CDC42EP4: variants seen among roughly 807,000 people sequenced by gnomAD.
The protein encoded by CDC42EP4 is CDC42 effector protein 4.
In CDC42EP4, 6 loss-of-function variants were observed where a neutral mutation model predicts 5.6. That is an observed-to-expected ratio of 1.07 (90% CI 0.59 to 2.12). CDC42EP4 has a LOEUF of 2.12. Among genes scored for constraint, CDC42EP4 ranks in the 30% most tolerant of loss-of-function variants. The pLI is 0.00. For synonymous variants in CDC42EP4, 230 were observed against 224.2 expected (o/e 1.03, Z -0.23); for missense variants, 490 against 508.6 (o/e 0.96, Z 0.35).
chr17:73,310,505 G>A, intron 1 of CDC42EP4, among the ~76,000 whole-genome samples: 1 of 152,058 alleles, frequency 6.6e-6, no homozygotes, highest in Non-Finnish European at 1.5e-5. Context: ...CAGCTGCTCA[G>A]CTATCTGGGC....
chr17:73,302,869 C>CGT (rs969224227), intron 1 of CDC42EP4, among the ~76,000 whole-genome samples: 1 of 149,704 alleles, frequency 6.7e-6, no homozygotes, highest in Non-Finnish European at 1.5e-5. Flanking sequence ...GGTGAAACCC[C>CGT]GTCTCTACTA....
intron 1 of CDC42EP4, among the ~76,000 whole-genome samples, chr17:73,288,028 T>G (rs564655545): frequency 1.4e-4 from 22 of 152,164 alleles, no homozygotes; most frequent in Middle Eastern, 3.4e-3. Flanking sequence ...CCCTGATCTA[T>G]CCCCTGAGCT....
intron 1 of CDC42EP4, among the ~76,000 whole-genome samples, chr17:73,296,060 G>A (rs917580277): frequency 1.6e-4 from 24 of 151,654 alleles, no homozygotes; most frequent in East Asian, 1.9e-4. Context: ...AGTCACACAC[G>A]TATTTGTTGA....
chr17:73,299,901 T>C (rs1048239181), intron 1 of CDC42EP4, among the ~76,000 whole-genome samples: 2 of 152,086 alleles, frequency 1.3e-5, no homozygotes, highest in African/African-American at 2.4e-5. Context: ...CTTCCTGCTC[T>C]CAGGAACCTC....
chr17:73,288,136 C>A (rs1439900713), intron 1 of CDC42EP4, among the ~76,000 whole-genome samples: 1 of 152,192 alleles, frequency 6.6e-6, no homozygotes, highest in African/African-American at 2.4e-5. Flanking sequence ...AAACCTTTAG[C>A]CACCACCTGC....
At chr17:73,298,909 GA>G (rs200412478) in intron 1 of CDC42EP4, among the ~76,000 whole-genome samples, 2,010 of 151,938 alleles carry the variant, frequency 0.013, 41 homozygotes, top group African/African-American at 0.044. Flanking sequence ...TAAAGAACGA[GA>G]AACGGAGACT....
chr17:73,298,328 C>A (rs9892423), intron 1 of CDC42EP4, among the ~76,000 whole-genome samples: 8,478 of 152,244 alleles, frequency 0.056, 268 homozygotes, highest in East Asian at 0.079. Flanking sequence ...TCGGGACCCT[C>A]TCAAAAAACA....
At chr17:73,288,600 C>CA (rs1555740446) in intron 1 of CDC42EP4, among the ~76,000 whole-genome samples, 3 of 151,922 alleles carry the variant, frequency 2.0e-5, no homozygotes, top group Non-Finnish European at 4.4e-5. Flanking sequence ...TGTTTACCAC[C>CA]GAGTCTGGTC....
At chr17:73,309,135 C>T (rs531764681) in intron 1 of CDC42EP4, among the ~76,000 whole-genome samples, 1 of 148,638 alleles carries the variant, frequency 6.7e-6, no homozygotes, top group African/African-American at 2.5e-5. Context: ...ATCCCTTGAG[C>T]TCAGGAGTTC....
intron 1 of CDC42EP4, among the ~76,000 whole-genome samples, chr17:73,305,783 G>A (rs990043491): frequency 1.3e-5 from 2 of 152,198 alleles, no homozygotes; most frequent in African/African-American, 2.4e-5. Flanking sequence ...CTGTCACTTC[G>A]CAAACTTCAT....
chr17:73,311,147 C>G (rs1815210034), intron 1 of CDC42EP4: 1 of 152,206 alleles, frequency 6.6e-6, no homozygotes, highest in Non-Finnish European at 1.5e-5. Context: ...GACTGCCCTC[C>G]CCCCGCACCC....
At chr17:73,305,885 G>A (rs1365692773) in intron 1 of CDC42EP4, among the ~76,000 whole-genome samples, 2 of 152,112 alleles carry the variant, frequency 1.3e-5, no homozygotes, top group Non-Finnish European at 2.9e-5. Context: ...AAGTCCTGGG[G>A]GTTCCCAGGA....
chr17:73,285,331 G>T lies in CDC42EP4; in HGVS notation c.*99C>A. 1.0e-6 allele frequency: 1 copy of T among 961,228 alleles called. No homozygotes were observed. The highest frequency in any genetic ancestry group is 1.6e-6 in the Non-Finnish European group (1 of 639,828). 59.5% of individuals were successfully genotyped at this position (961,228 alleles called of 1,614,324 possible). A position where few individuals can be genotyped will look rare whatever the true frequency, so the allele number is the denominator to read the frequency against. ...CCAGGGTCCATGGTCTGAATCAAGG[G>T]TCCTGGCTGCCCCTGCGCCGTAGGG... On this transcript the variant is annotated 3_prime_UTR_variant, in exon 2 of 2. Transcript: ENST00000335793. This position sits in a 1 kb window ranked among gnomAD's most constrained non-coding sequence, Gnocchi z 6.8.
rs576532384 is a variant in CDC42EP4, at chr17:73,304,295, G to GA, written c.-113+7597dup. On this transcript the variant is annotated intron_variant, in intron 1 of 1. Coordinates refer to ENST00000335793, the MANE Select transcript of CDC42EP4 (RefSeq NM_012121.5). ...TCTTCTTCTTTTTTTTTTTTTTCCTGAGAGAGGGTCTTGCTTTGTCCCTCA... is the reference window on the plus strand; with the variant it reads ...TCTTCTTCTTTTTTTTTTTTTTCCTGAAGAGAGGGTCTTGCTTTGTCCCTCA... Among the ~76,000 whole-genome samples, 6 of 119,832 alleles carry GA rather than the reference G, an allele frequency of 5.0e-5. No homozygotes were observed. In the South Asian group the frequency reaches 7.6e-4, roughly 15 times the overall value. 78.6% of individuals were successfully genotyped at this position (119,832 alleles called of 152,430 possible).
intron 1 of CDC42EP4, among the ~76,000 whole-genome samples, chr17:73,295,063 C>T (rs1339107014): frequency 2.6e-5 from 4 of 152,080 alleles, no homozygotes; most frequent in Non-Finnish European, 4.4e-5. Context: ...CCACCTGCCT[C>T]GGCCTCCCAA....
intron 1 of CDC42EP4, chr17:73,311,385 C>G (rs191642066): frequency 6.6e-6 from 1 of 152,276 alleles, no homozygotes; most frequent in Admixed American, 6.5e-5. Flanking sequence ...CGCCTCTGCC[C>G]GTACAGGCGG....
chr17:73,297,555 C>T lies in CDC42EP4; in HGVS notation c.-112-10943G>A, dbSNP rs114261716. ...TTTATGTATAGTGGTTACAACTCTA[C>T]ACAAATATGCATCTGTGAATAAAGA... On this transcript the variant is annotated intron_variant, in intron 1 of 1. Coordinates refer to ENST00000335793, the MANE Select transcript of CDC42EP4 (RefSeq NM_012121.5). Among the ~76,000 whole-genome samples the T allele has an allele frequency of 5.0e-3, 767 of 152,232 alleles. 3 individuals are homozygous for T. The highest frequency in any genetic ancestry group is 0.018 in the African/African-American group (738 of 41,524).
At chr17:73,297,250 C>T (rs927797462) in intron 1 of CDC42EP4, among the ~76,000 whole-genome samples, 4 of 149,290 alleles carry the variant, frequency 2.7e-5, no homozygotes, top group African/African-American at 4.9e-5. Flanking sequence ...GCCAAGGTCG[C>T]GCCATTGCAC....
At position 73,286,159 on chromosome 17, in the gene CDC42EP4, C is replaced by G; in HGVS notation, c.342G>C (p.Lys114Asn). 1 of 1,614,106 alleles carries G rather than the reference C, an allele frequency of 6.2e-7. No homozygotes were observed. The highest frequency in any genetic ancestry group is 8.5e-7 in the Non-Finnish European group (1 of 1,180,036). The change falls in exon 2 of 2, where the codon AAG becomes AAC. Residue 114 changes from lysine (K) to asparagine (N), a missense_variant. Coordinates refer to ENST00000335793, the MANE Select transcript of CDC42EP4 (RefSeq NM_012121.5). This position sits in a 1 kb window ranked among gnomAD's most constrained non-coding sequence, Gnocchi z 7.7. ...GSLRDSALFV[K>N]NAMSLPQLNE... is the part of the protein sequence containing the mutation. ...TGAGCTGGGGCAGGGACATGGCATT[C>G]TTGACAAACAGGGCCGAGTCCCGCA...
Sources: gnomAD v4.1 joint callset for allele counts (sites outside exome capture counted in the v4.1 genomes callset) on GRCh38, gnomAD v4.1.1 for gene constraint, Gnocchi (gnomAD v3.1) non-coding constraint, MANE v1.5 for transcripts, NCBI Gene and HGNC (gene_info 2026-07-23, HGNC 2026-07-21) for gene names.